Variants in WASHC5 observed in about 807,000 individuals in gnomAD.
WASHC5 encodes the protein WASH complex subunit 5, also known as WASH complex subunit strumpellin.
A neutral mutation model predicts 150.4 loss-of-function variants in WASHC5; 101 were observed. That is an observed-to-expected ratio of 0.67 (90% CI 0.57 to 0.79). The LOEUF (loss-of-function observed/expected upper bound fraction) is 0.79, where lower values mean the gene tolerates loss of function less well. WASHC5 is among the 30% of genes least tolerant of loss of function. WASHC5 has a pLI of 0.00. For missense variants in WASHC5, 1,195 were observed against 1,396.3 expected (o/e 0.86, Z 2.30); for synonymous variants, 467 against 491.2 (o/e 0.95, Z 0.65).
In WASHC5 at chr8:125,050,593, T is replaced by C. The variant is rs972208872; in HGVS notation, c.2170A>G (p.Arg724Gly). Reference sequence around the variant, plus strand: ...GCTCGAGGGTTGAATATCAGTCCCCTATGCAGGGCAAAGGCAACGCGCTTC... The same window carrying C: ...GCTCGAGGGTTGAATATCAGTCCCCCATGCAGGGCAAAGGCAACGCGCTTC... ...LVKRVAFALH[R>G]GLIFNPRAKP... The change falls in exon 18 of 29, where the codon AGG (arginine) becomes GGG (glycine). Residue 724 changes from arginine (R) to glycine (G), a missense_variant. Around this residue, in one of 3 missense-constraint regions of WASHC5, gnomAD observed 997 missense variants for 1,168.1 expected, o/e 0.85. Coordinates refer to ENST00000318410, the MANE Select transcript of WASHC5 (RefSeq NM_014846.4). The C allele has an allele frequency of 6.2e-7, 1 of 1,614,120 alleles. No homozygotes were observed. The highest frequency in any genetic ancestry group is 8.5e-7 in the Non-Finnish European group (1 of 1,179,960).
At chr8:125,038,741 C>T in intron 25 of WASHC5, 89 bp downstream of exon 25, 1 of 1,494,620 alleles carries the variant, frequency 6.7e-7, no homozygotes, top group Non-Finnish European at 9.3e-7. Flanking sequence ...AACCCAGGTT[C>T]CTCTGGTATT....
intron 6 of WASHC5, 62 bp downstream of exon 6, chr8:125,078,676 A>C: frequency 7.6e-7 from 1 of 1,319,696 alleles, no homozygotes; most frequent in Non-Finnish European, 1.1e-6. Flanking sequence ...GAGTAATTAA[A>C]GAGGGAAGTG....
At position 125,076,376 on chromosome 8, in the gene WASHC5, A is replaced by C. The variant is rs1017918751; in HGVS notation, c.836T>G (p.Ile279Arg). The C allele has an allele frequency of 3.1e-6, 5 of 1,613,860 alleles. No homozygotes were observed. The highest frequency in any genetic ancestry group is 4.2e-6 in the Non-Finnish European group (5 of 1,179,922). Residue 279 changes from isoleucine to arginine, a missense_variant, in exon 7 of 29, where the codon ATA becomes AGA. Transcript: ENST00000318410. ...LHTHQAKMRE[I>R]VDKYFPDNWV... ...ATTATCTGGAAAGTATTTATCCACT[A>C]TCTCTCTCATTTTTGCTTGATGGGT...
At chr8:125,064,965 G>C (rs1053238452) in intron 10 of WASHC5, among the ~76,000 whole-genome samples, 7 of 152,172 alleles carry the variant, frequency 4.6e-5, no homozygotes, top group African/African-American at 1.7e-4. Context: ...AACTTTCTGA[G>C]TCCCTCGGAT....
intron 13 of WASHC5, 24 bp downstream of exon 13, chr8:125,059,352 C>G: frequency 1.2e-6 from 2 of 1,613,814 alleles, no homozygotes; most frequent in Non-Finnish European, 1.7e-6. Flanking sequence ...TCATCTACAG[C>G]AAATGTCAGG....
At chr8:125,084,874 G>T (rs1279727041) in intron 1 of WASHC5, among the ~76,000 whole-genome samples, 1 of 152,228 alleles carries the variant, frequency 6.6e-6, no homozygotes, top group Non-Finnish European at 1.5e-5. Context: ...TGGTAAGTAG[G>T]TTAGAGGTAG....
In WASHC5 at chr8:125,024,529, C is replaced by G; in HGVS notation, c.*88G>C. The G allele has an allele frequency of 2.0e-6, 2 of 989,754 alleles. No individual in the cohort carries two copies. The highest frequency in any genetic ancestry group is 3.3e-6 in the Non-Finnish European group (2 of 613,342). The allele number at this position is 989,754 out of a possible 1,614,324, so 61.3% of individuals were successfully genotyped here. A position where few individuals can be genotyped will look rare whatever the true frequency, so the allele number is the denominator to read the frequency against. On this transcript the variant is annotated 3_prime_UTR_variant, in exon 29 of 29. Transcript: ENST00000318410. ...GACAGAAAAAATGCAGTTGTATGAG[C>G]AACTGAGTTTCTTTTCATCTTCAAA...
intron 18 of WASHC5, among the ~76,000 whole-genome samples, chr8:125,050,055 T>C (rs185318442): frequency 5.8e-4 from 89 of 152,274 alleles, no homozygotes; most frequent in African/African-American, 2.0e-3. Flanking sequence ...TGTCATTTAA[T>C]AAATCTATCT....
At chr8:125,038,166 T>C (rs568322880) in intron 25 of WASHC5, among the ~76,000 whole-genome samples, 2 of 152,194 alleles carry the variant, frequency 1.3e-5, no homozygotes, top group Non-Finnish European at 2.9e-5. Context: ...TAATCTTTTA[T>C]CCAAAACACA....
chr8:125,069,859 T>C (rs1816851256), intron 9 of WASHC5, among the ~76,000 whole-genome samples: 1 of 152,244 alleles, frequency 6.6e-6, no homozygotes, highest in South Asian at 2.1e-4. Flanking sequence ...GTTGTCTTTA[T>C]ACTAATTTTA....
intron 26 of WASHC5, among the ~76,000 whole-genome samples, chr8:125,036,663 C>A (rs1422348715): frequency 7.0e-6 from 1 of 143,024 alleles, no homozygotes; most frequent in Admixed American, 6.8e-5. Context: ...CTGAGTGAGA[C>A]CTTGTCTCAA....
chr8:125,056,676 C>T lies in WASHC5; in HGVS notation c.2016+1G>A. 1 of 1,614,074 alleles carries T rather than the reference C, an allele frequency of 6.2e-7. No homozygotes were observed. The highest frequency in any genetic ancestry group is 8.5e-7 in the Non-Finnish European group (1 of 1,179,972). On this transcript the variant is annotated splice_donor_variant, in intron 16 of 28. Coordinates refer to ENST00000318410, the MANE Select transcript of WASHC5 (RefSeq NM_014846.4). LOFTEE classifies it high-confidence loss of function. Reference sequence around the variant, plus strand: ...AGGCAGAAGTCAGAGGGACACAGCACCTCGTATCGTGGGCCTAGCTGAGCA... The same window carrying T: ...AGGCAGAAGTCAGAGGGACACAGCATCTCGTATCGTGGGCCTAGCTGAGCA...
At chr8:125,039,015 G>T (rs1458108680) in intron 24 of WASHC5, 56 bp from the exon 25 acceptor site, 4 of 1,556,804 alleles carry the variant, frequency 2.6e-6, no homozygotes, top group Non-Finnish European at 3.5e-6. Flanking sequence ...ATTTATACAA[G>T]AGTTAATATA....
At chr8:125,038,991 T>C in intron 24 of WASHC5, 32 bp from the exon 25 acceptor site, 1 of 1,607,566 alleles carries the variant, frequency 6.2e-7, no homozygotes, top group Non-Finnish European at 8.5e-7. Flanking sequence ...AGATAAACAT[T>C]AGTGAGTAAA....
At chr8:125,040,120 A>G (rs1443943315) in intron 23 of WASHC5, among the ~76,000 whole-genome samples, 3 of 152,210 alleles carry the variant, frequency 2.0e-5, no homozygotes, top group African/African-American at 7.2e-5. Flanking sequence ...CCCATACCCC[A>G]ACCTAAAAAT....
rs1815800140 is a variant in WASHC5, at chr8:125,038,974, AC to A, written c.2955-16del. The A allele has an allele frequency of 6.2e-7, 1 of 1,612,576 alleles. No homozygotes were observed. Among genetic ancestry groups the A allele is most frequent in the Non-Finnish European group, 8.5e-7 (1 of 1,178,896 alleles). On this transcript the variant is annotated splice_polypyrimidine_tract_variant and intron_variant, in intron 24 of 28. Coordinates refer to ENST00000318410, the MANE Select transcript of WASHC5 (RefSeq NM_014846.4). ...CTAGGAGAGCCCTAAAGGAAGAAAA[AC>A]CCTGGAGATAAACATTAGTGAGTAA...
At chr8:125,079,000 G>T in intron 5 of WASHC5, 70 bp from the exon 6 acceptor site, 1 of 1,304,310 alleles carries the variant, frequency 7.7e-7, no homozygotes, top group Non-Finnish European at 1.1e-6. Flanking sequence ...GTCCAATAAA[G>T]TAGAATTCCA....
At chr8:125,039,608 T>C (rs1005416150) in intron 24 of WASHC5, among the ~76,000 whole-genome samples, 187 bp downstream of exon 24, 1 of 152,028 alleles carries the variant, frequency 6.6e-6, no homozygotes. Context: ...GAGACAGAGA[T>C]AAACGGAGGG....
chr8:125,042,339 C>T (rs1341079672), intron 23 of WASHC5, among the ~76,000 whole-genome samples: 2 of 152,158 alleles, frequency 1.3e-5, no homozygotes, highest in Admixed American at 6.5e-5. Flanking sequence ...CCACAACCCA[C>T]ATTTCATGAG....
Sources: allele counts gnomAD v4.1 joint callset (sites outside exome capture counted in the v4.1 genomes callset), GRCh38; gene constraint gnomAD v4.1.1; regional missense constraint gnomAD v4.1.1; transcripts MANE v1.5; gene names NCBI Gene and HGNC (gene_info 2026-07-23, HGNC 2026-07-21).